SGCZ: variants seen among roughly 807,000 people sequenced by gnomAD.
SGCZ encodes zeta-sarcoglycan.
In SGCZ, 40 loss-of-function variants were observed where a neutral mutation model predicts 41.3. That is an observed-to-expected ratio of 0.97 (90% CI 0.75 to 1.26). The LOEUF (loss-of-function observed/expected upper bound fraction) is 1.26. Ranked by LOEUF, SGCZ falls within the 50% of genes most tolerant of loss-of-function variation. SGCZ has a pLI of 0.00. For missense variants in SGCZ, 552 were observed against 369.8 expected (o/e 1.49, Z -4.04); for synonymous variants, 206 against 137.5 (o/e 1.50, Z -3.49).
At chr8:14,975,745 C>T (rs1454427652) in intron 1 of SGCZ, among the ~76,000 whole-genome samples, 1 of 149,870 alleles carries the variant, frequency 6.7e-6, no homozygotes, top group East Asian at 2.0e-4. Flanking sequence ...TATGTTTTTA[C>T]CTTATTGACA....
At chr8:15,061,857 G>A (rs967541511) in intron 1 of SGCZ, among the ~76,000 whole-genome samples, 72 of 152,210 alleles carry the variant, frequency 4.7e-4, no homozygotes, top group African/African-American at 1.5e-3. Context: ...CACCCTACAA[G>A]TTGTTCAAGT....
At chr8:14,511,662 G>T (rs1023967072) in intron 2 of SGCZ, among the ~76,000 whole-genome samples, 2 of 152,046 alleles carry the variant, frequency 1.3e-5, no homozygotes, top group African/African-American at 4.8e-5. Context: ...TTTTAGAAGT[G>T]AAAAACTCAG....
intron 1 of SGCZ, among the ~76,000 whole-genome samples, chr8:14,613,048 G>C (rs970568364): frequency 6.6e-6 from 1 of 152,128 alleles, no homozygotes; most frequent in Admixed American, 6.5e-5. Context: ...CTTAATCATA[G>C]GGATAGGAGA....
At chr8:14,135,187 G>T (rs1803159534) in intron 5 of SGCZ, among the ~76,000 whole-genome samples, 1 of 152,022 alleles carries the variant, frequency 6.6e-6, no homozygotes, top group African/African-American at 2.4e-5. Flanking sequence ...GGCATATAGT[G>T]GGTATTCAGT....
intron 1 of SGCZ, among the ~76,000 whole-genome samples, chr8:15,066,552 C>G (rs1165207883): frequency 1.3e-5 from 2 of 152,038 alleles, no homozygotes; most frequent in Admixed American, 6.6e-5. Context: ...TCATAGTCAA[C>G]TTTTATAATT....
At chr8:14,148,381 G>A (rs138912527) in intron 5 of SGCZ, among the ~76,000 whole-genome samples, 4 of 151,768 alleles carry the variant, frequency 2.6e-5, no homozygotes, top group African/African-American at 7.2e-5. Flanking sequence ...CTGCCAAAAC[G>A]TCATTAGTAG....
intron 1 of SGCZ, among the ~76,000 whole-genome samples, chr8:15,095,210 TGCCTCA>T (rs1806300109): frequency 6.6e-6 from 1 of 152,180 alleles, no homozygotes; most frequent in Non-Finnish European, 1.5e-5. Context: ...GCGACTCTCC[TGCCTCA>T]GCCTCCCAAG....
chr8:14,814,773 C>A (rs1010053535), intron 1 of SGCZ, among the ~76,000 whole-genome samples: 1 of 152,046 alleles, frequency 6.6e-6, no homozygotes, highest in Non-Finnish European at 1.5e-5. Context: ...AAGACTATTT[C>A]TTTTTTCTTG....
At chr8:15,182,365 T>C (rs1449797539) in intron 1 of SGCZ, among the ~76,000 whole-genome samples, 4 of 152,134 alleles carry the variant, frequency 2.6e-5, no homozygotes, top group African/African-American at 9.7e-5. Flanking sequence ...GATTTTTTCA[T>C]TGTGAAAACA....
chr8:15,192,269 T>C lies in SGCZ; in HGVS notation c.39+45316A>G, dbSNP rs147526428. Among the ~76,000 whole-genome samples, 1,099 of 152,190 alleles carry C rather than the reference T, an allele frequency of 7.2e-3. 24 individuals are homozygous for C. Among genetic ancestry groups the C allele is most frequent in the African/African-American group, 0.025 (1,036 of 41,472 alleles). On this transcript the variant is annotated intron_variant, in intron 1 of 7. Transcript: ENST00000382080. The stretch of plus-strand genomic sequence containing the variant: ...ACAGCCCAAATCCCTGAAGATGATG[T>C]AAACACAGCTTTAGCTACTTCGGAA...
intron 1 of SGCZ, among the ~76,000 whole-genome samples, chr8:14,912,973 T>A (rs1162417679): frequency 6.6e-6 from 1 of 152,058 alleles, no homozygotes; most frequent in Non-Finnish European, 1.5e-5. Flanking sequence ...TCTTGTTTGG[T>A]TTTAGTTAGT....
chr8:14,448,593 G>T (rs756721285), intron 2 of SGCZ, among the ~76,000 whole-genome samples: 1 of 152,150 alleles, frequency 6.6e-6, no homozygotes, highest in African/African-American at 2.4e-5. Flanking sequence ...CAGGCACACC[G>T]ACTATTAATA....
At chr8:14,835,768 C>A (rs1380096628) in intron 1 of SGCZ, among the ~76,000 whole-genome samples, 5 of 152,136 alleles carry the variant, frequency 3.3e-5, no homozygotes, top group Non-Finnish European at 7.3e-5. Flanking sequence ...ATTCCTGAGG[C>A]CAAAAGCCAC....
At position 14,871,171 on chromosome 8, in the gene SGCZ, C is replaced by A. The variant is rs147305309; in HGVS notation, c.40-316245G>T. ...AACGTGAGCCAAGATCACATCATTG[C>A]ACTCCAGCCTGGGCAACAAGAGTGA... On this transcript the variant is annotated intron_variant, in intron 1 of 7. Coordinates refer to ENST00000382080, the MANE Select transcript of SGCZ (RefSeq NM_139167.4). 8.6e-3 allele frequency among the ~76,000 whole-genome samples: 1,311 copies of A among 152,110 alleles called. 13 individuals are homozygous for A. The highest frequency in any genetic ancestry group is 0.03 in the African/African-American group (1,227 of 41,490).
chr8:15,121,693 T>C (rs1435531838), intron 1 of SGCZ, among the ~76,000 whole-genome samples: 1 of 152,126 alleles, frequency 6.6e-6, no homozygotes, highest in Admixed American at 6.5e-5. Context: ...ACAGACACTC[T>C]CAAGTGAGGC....
At chr8:14,658,745 T>C (rs141547816) in intron 1 of SGCZ, among the ~76,000 whole-genome samples, 1 of 152,164 alleles carries the variant, frequency 6.6e-6, no homozygotes, top group African/African-American at 2.4e-5. Context: ...TTTGTGTATT[T>C]GTTATTCGTT....
intron 1 of SGCZ, among the ~76,000 whole-genome samples, chr8:15,097,818 GTGTGTA>G (rs1353638660): frequency 6.1e-4 from 23 of 37,610 alleles, no homozygotes; most frequent in African/African-American, 1.8e-3. Context: ...ATATATACGT[GTGTGTA>G]TATATATATA....
chr8:14,819,352 A>G (rs1464800384), intron 1 of SGCZ, among the ~76,000 whole-genome samples: 2 of 152,098 alleles, frequency 1.3e-5, no homozygotes, highest in Non-Finnish European at 1.5e-5. Flanking sequence ...TTTTCCTGGA[A>G]ATAGTACTCT....
chr8:15,034,739 G>C (rs1438735020), intron 1 of SGCZ, among the ~76,000 whole-genome samples: 1 of 152,086 alleles, frequency 6.6e-6, no homozygotes, highest in Non-Finnish European at 1.5e-5. Context: ...ACACATAAGG[G>C]AGTTTCAATA....
Sources: gnomAD v4.1 joint callset for allele counts (sites outside exome capture counted in the v4.1 genomes callset) on GRCh38, gnomAD v4.1.1 for gene constraint, MANE v1.5 for transcripts, NCBI Gene and HGNC (gene_info 2026-07-23, HGNC 2026-07-21) for gene names.